The following CENPE variants were observed in gnomAD, a reference collection of about 807,000 sequenced individuals.
CENPE encodes the protein centromere-associated protein E.
A neutral mutation model predicts 336.1 loss-of-function variants in CENPE; 145 were observed. The observed-to-expected ratio is 0.43, with a 90% CI of 0.38 to 0.50. The LOEUF is 0.50. Among genes scored for constraint, CENPE ranks in the 20% least tolerant of loss-of-function variants. The pLI is 0.00. For missense variants in CENPE, 2,719 were observed against 3,023.3 expected, an observed-to-expected ratio of 0.90 and a Z score of 2.36; for synonymous variants, 1,013 against 984.8, an observed-to-expected ratio of 1.03 and a Z score of -0.54.
chr4:103,135,912 G>A (rs751630566), intron 40 of CENPE, among the ~76,000 whole-genome samples: 5 of 152,166 alleles, frequency 3.3e-5, no homozygotes, highest in African/African-American at 4.8e-5. Context: ...AGATCTTTGA[G>A]ATGTTAACTC....
chr4:103,153,298 A>T, intron 24 of CENPE, 48 bp from the exon 25 acceptor site: 1 of 1,250,716 alleles, frequency 8.0e-7, no homozygotes, highest in Non-Finnish European at 1.1e-6. Context: ...AGTTAACAAC[A>T]ACTTTAAAAA....
intron 25 of CENPE, among the ~76,000 whole-genome samples, chr4:103,152,094 C>G (rs982113192): frequency 8.6e-5 from 13 of 151,384 alleles, no homozygotes; most frequent in African/African-American, 3.2e-4. Flanking sequence ...TGGCAGACAT[C>G]AACAACAAAC....
In CENPE at chr4:103,151,212, A is replaced by C. The variant is rs757616257; in HGVS notation, c.3396+7T>G. 6 of 1,584,870 alleles carry C rather than the reference A, an allele frequency of 3.8e-6. No individual in the cohort carries two copies. The highest frequency in any genetic ancestry group is 1.7e-4 in the Middle Eastern group (1 of 5,978). ...AAATGGCCAGGGAAATAACTTTAAA[A>C]ATTCACCTTTTCCTTTAGTTTTTCT... On this transcript the variant is annotated splice_region_variant and intron_variant, in intron 26 of 48. Coordinates refer to ENST00000265148, the MANE Select transcript of CENPE (RefSeq NM_001813.3).
chr4:103,173,628 T>TCTTTGCAATATTTGCAGAA (rs1755606948), intron 16 of CENPE, among the ~76,000 whole-genome samples: 1 of 151,950 alleles, frequency 6.6e-6, no homozygotes, highest in African/African-American at 2.4e-5. Flanking sequence ...ATTTGCAAAA[T>TCTTTGCAATATTTGCAGAA]ATACATCTGA....
intron 24 of CENPE, among the ~76,000 whole-genome samples, chr4:103,153,845 A>G (rs1753756003): frequency 6.6e-6 from 1 of 152,122 alleles, no homozygotes; most frequent in Admixed American, 6.6e-5. Context: ...AGGCAGTCCT[A>G]CTTACAAAAG....
In CENPE at chr4:103,181,471, C is replaced by T. The variant is rs1460088857; in HGVS notation, c.964-15G>A. On this transcript the variant is annotated splice_polypyrimidine_tract_variant and intron_variant, in intron 11 of 48. Transcript: ENST00000265148. ...GTACTGGCAAACTGGAAAAAAAATACGAAAGTGCTAAGTGTTCAACACTTA... is the reference window on the plus strand; with the variant it reads ...GTACTGGCAAACTGGAAAAAAAATATGAAAGTGCTAAGTGTTCAACACTTA... The T allele has an allele frequency of 7.7e-6, 12 of 1,552,768 alleles. No homozygotes were observed. The highest frequency in any genetic ancestry group is 2.4e-5 in the East Asian group (1 of 41,238).
At chr4:103,140,785 T>C (rs1262507601) in intron 36 of CENPE, 29 bp downstream of exon 36, 4 of 1,535,244 alleles carry the variant, frequency 2.6e-6, no homozygotes, top group Non-Finnish European at 3.5e-6. Flanking sequence ...GTGAATATAA[T>C]GGTAGGGTAA....
chr4:103,146,591 G>A (rs1435508705), intron 29 of CENPE, among the ~76,000 whole-genome samples: 1 of 152,206 alleles, frequency 6.6e-6, no homozygotes, highest in East Asian at 1.9e-4. Flanking sequence ...GCCATGAGCT[G>A]CGGAAGAGAG....
At chr4:103,127,976 G>A (rs1420623849) in intron 42 of CENPE, among the ~76,000 whole-genome samples, 2 of 152,006 alleles carry the variant, frequency 1.3e-5, no homozygotes, top group African/African-American at 4.8e-5. Context: ...TTAAAAGACC[G>A]ACTGTCAAAG....
intron 46 of CENPE, among the ~76,000 whole-genome samples, chr4:103,113,660 C>T (rs1749808915): frequency 6.9e-6 from 1 of 143,924 alleles, no homozygotes; most frequent in South Asian, 2.1e-4. Flanking sequence ...ACTATATATA[C>T]TTATATATTT....
chr4:103,116,617 C>A lies in CENPE; in HGVS notation c.7402G>T (p.Asp2468Tyr). The A allele has an allele frequency of 6.3e-7, 1 of 1,591,468 alleles. No homozygotes were observed. Among genetic ancestry groups the A allele is most frequent in the Non-Finnish European group, 8.5e-7 (1 of 1,170,134 alleles). ...TTGGCATTTTTCATTTTCTCTAGGTCTATTTTCACAAGCTTCATTTTGAGA... is the reference window on the plus strand; with the variant it reads ...TTGGCATTTTTCATTTTCTCTAGGTATATTTTCACAAGCTTCATTTTGAGA... Reference protein sequence around the residue: ...EDLKMKLVKIDLEKMKNAKEF... With the variant: ...EDLKMKLVKIYLEKMKNAKEF... Residue 2468 changes from aspartate to tyrosine, a missense_variant, in exon 45 of 49, where the codon GAC becomes TAC. Coordinates refer to ENST00000265148, the MANE Select transcript of CENPE (RefSeq NM_001813.3).
At position 103,145,925 on chromosome 4, in the gene CENPE, A is replaced by C. The variant is rs1460084122; in HGVS notation, c.4317T>G (p.Ser1439=). The C allele has an allele frequency of 6.2e-7, 1 of 1,613,930 alleles. No individual in the cohort carries two copies. The highest frequency in any genetic ancestry group is 8.5e-7 in the Non-Finnish European group (1 of 1,179,924). The change falls in exon 30 of 49, where the codon TCT becomes TCG. Residue 1439 remains serine, a synonymous_variant. Coordinates refer to ENST00000265148, the MANE Select transcript of CENPE (RefSeq NM_001813.3). The part of the protein sequence containing the change: ...RLQESHDEMK[S]VAKEKDDLQR... ...GTAGGTCATCTTTCTCCTTAGCTAC[A>C]GATTTCATTTCATCATGACTTTCTT...
At chr4:103,174,638 A>G (rs1264245567) in intron 16 of CENPE, 98 bp downstream of exon 16, 2 of 853,890 alleles carry the variant, frequency 2.3e-6, no homozygotes, top group African/African-American at 1.8e-5. Context: ...TTATCTGTAC[A>G]TTTAAAAAAA....
chr4:103,143,201 G>C, intron 34 of CENPE, 47 bp downstream of exon 34: 3 of 1,385,362 alleles, frequency 2.2e-6, no homozygotes, highest in Non-Finnish European at 2.0e-6. Flanking sequence ...TACACAAAAA[G>C]TTTGATTCAA....
intron 34 of CENPE, among the ~76,000 whole-genome samples, chr4:103,142,439 A>C (rs1375649239): frequency 6.6e-6 from 1 of 152,240 alleles, no homozygotes; most frequent in Non-Finnish European, 1.5e-5. Context: ...AGAACACAAT[A>C]CATTGAATTG....
chr4:103,167,946 T>C (rs1755062684), intron 16 of CENPE, among the ~76,000 whole-genome samples: 1 of 152,180 alleles, frequency 6.6e-6, no homozygotes, highest in African/African-American at 2.4e-5. Flanking sequence ...ATAACTTGGC[T>C]CCTGCCCTCC....
In CENPE at chr4:103,146,028, T is replaced by C. The variant is rs1249072956; in HGVS notation, c.4214A>G (p.Glu1405Gly). 6.2e-7 allele frequency: 1 copy of C among 1,613,960 alleles called. No homozygotes were observed. Among genetic ancestry groups the C allele is most frequent in the East Asian group, 2.2e-5 (1 of 44,832 alleles). The part of the protein sequence containing the change: ...KDNETTKIVS[E>G]MEQFKPKDSA... The stretch of plus-strand genomic sequence containing the variant: ...ATCTTTGGGTTTGAATTGCTCCATC[T>C]CACTCACGATTTTGGTAGTTTCATT... Residue 1405 changes from glutamate (E) to glycine (G), a missense_variant, in exon 30 of 49, where the codon GAG becomes GGG. Glu to Gly is a moderately conservative substitution (Grantham distance 98). This residue lies in a region of CENPE where 2,437 missense variants were observed against 2,513.3 expected (regional missense o/e 0.97). Coordinates refer to ENST00000265148, the MANE Select transcript of CENPE (RefSeq NM_001813.3).
At chr4:103,187,903 T>TCC (rs1756938935) in intron 8 of CENPE, among the ~76,000 whole-genome samples, 2 of 152,172 alleles carry the variant, frequency 1.3e-5, no homozygotes, top group East Asian at 1.9e-4. Context: ...GAAACCCATC[T>TCC]CATGTGCAGA....
At chr4:103,190,503 T>C (rs1482903864) in intron 8 of CENPE, among the ~76,000 whole-genome samples, 5 of 152,176 alleles carry the variant, frequency 3.3e-5, no homozygotes, top group Non-Finnish European at 7.3e-5. Context: ...TCTACAACTA[T>C]CTGATCTTTG....
Sources: gnomAD v4.1 joint callset for allele counts (sites outside exome capture counted in the v4.1 genomes callset) on GRCh38, gnomAD v4.1.1 for gene constraint, gnomAD v4.1.1 regional missense constraint, MANE v1.5 for transcripts, NCBI Gene and HGNC (gene_info 2026-07-23, HGNC 2026-07-21) for gene names.